The following CFAP54 variants were observed in gnomAD, a reference collection of about 807,000 sequenced individuals.
The protein encoded by CFAP54 is cilia- and flagella-associated protein 54.
Under a neutral mutation model 370.4 loss-of-function variants are expected in CFAP54, and 290 were observed. The observed-to-expected ratio is 0.78, with a 90% confidence interval of 0.71 to 0.86. The LOEUF (loss-of-function observed/expected upper bound fraction) is 0.86, where lower values mean the gene tolerates loss of function less well. Among genes scored for constraint, CFAP54 ranks in the 40% least tolerant of loss-of-function variants. CFAP54 has a pLI of 0.00. For synonymous variants in CFAP54, 1,206 were observed against 1,236.5 expected (o/e 0.98, Z 0.52); for missense variants, 3,399 against 3,528.7 (o/e 0.96, Z 0.93).
intron 2 of CFAP54, among the ~76,000 whole-genome samples, chr12:96,502,597 T>C (rs749632162): frequency 2.6e-5 from 4 of 152,080 alleles, no homozygotes; most frequent in Non-Finnish European, 5.9e-5. Context: ...AAATCTTTAA[T>C]AGAAATTTAA....
At chr12:96,790,901 G>A (rs1435213226) in intron 62 of CFAP54, among the ~76,000 whole-genome samples, 1 of 152,080 alleles carries the variant, frequency 6.6e-6, no homozygotes, top group Non-Finnish European at 1.5e-5. Flanking sequence ...CAACTTGAAA[G>A]GTCAGTGTTT....
chr12:96,739,895 A>C lies in CFAP54; in HGVS notation c.6966-61A>C, dbSNP rs1958030310. 4 of 1,031,946 alleles carry C rather than the reference A, an allele frequency of 3.9e-6. No individual in the cohort carries two copies. The Admixed American group carries it at 9.4e-5, about 24-fold the overall frequency. 63.9% of individuals were successfully genotyped at this position (1,031,946 alleles called of 1,614,324 possible). A position where few individuals can be genotyped will look rare whatever the true frequency, so the allele number is the denominator to read the frequency against. On this transcript the variant is annotated intron_variant, in intron 50 of 67. Transcript: ENST00000524981. Reference sequence around the variant, plus strand: ...TTTTTTGGAGAAAGTGATTTAGGAAATAACATACAGATGCCACAAATATAA... The same window carrying C: ...TTTTTTGGAGAAAGTGATTTAGGAACTAACATACAGATGCCACAAATATAA...
intron 66 of CFAP54, among the ~76,000 whole-genome samples, chr12:96,830,199 A>G (rs1391420025): frequency 6.6e-6 from 1 of 152,180 alleles, no homozygotes; most frequent in Non-Finnish European, 1.5e-5. Flanking sequence ...ACAAATCTGA[A>G]GCCTTGATTT....
At chr12:96,533,481 C>T (rs1592836209) in intron 9 of CFAP54, among the ~76,000 whole-genome samples, 1 of 152,174 alleles carries the variant, frequency 6.6e-6, no homozygotes, top group Admixed American at 6.5e-5. Flanking sequence ...CATTTTAGAT[C>T]TCTTTCCCAA....
chr12:96,769,728 G>A (rs2136676918), intron 60 of CFAP54, among the ~76,000 whole-genome samples: 1 of 152,294 alleles, frequency 6.6e-6, no homozygotes. Flanking sequence ...ACATGGCTGT[G>A]ATAACAAATA....
intron 32 of CFAP54, among the ~76,000 whole-genome samples, chr12:96,633,543 C>A (rs768016920): frequency 1.3e-5 from 2 of 152,262 alleles, no homozygotes; most frequent in Admixed American, 6.5e-5. Context: ...AGTATGTAAC[C>A]TTTTGAGGCT....
chr12:96,584,826 C>T (rs935299569), intron 22 of CFAP54, among the ~76,000 whole-genome samples: 8 of 152,120 alleles, frequency 5.3e-5, no homozygotes, highest in Admixed American at 2.0e-4. Context: ...TCACCCTGTG[C>T]GTCTGCTTTC....
At chr12:96,692,677 C>A (rs1957400212) in intron 44 of CFAP54, among the ~76,000 whole-genome samples, 1 of 152,180 alleles carries the variant, frequency 6.6e-6, no homozygotes, top group Admixed American at 6.5e-5. Flanking sequence ...CTATTAGCAG[C>A]TGCCAGTTGA....
chr12:96,545,832 A>T (rs1283793113), intron 14 of CFAP54, among the ~76,000 whole-genome samples: 1 of 152,224 alleles, frequency 6.6e-6, no homozygotes, highest in Non-Finnish European at 1.5e-5. Context: ...GTCCATGAGG[A>T]CATGGTACAG....
At chr12:96,762,959 T>C (rs1958355817) in intron 58 of CFAP54, among the ~76,000 whole-genome samples, 1 of 152,114 alleles carries the variant, frequency 6.6e-6, no homozygotes. Flanking sequence ...GGGAGTCTTC[T>C]AGCCAGAAGT....
intron 63 of CFAP54, among the ~76,000 whole-genome samples, chr12:96,796,431 C>G (rs909021561): frequency 6.6e-6 from 1 of 152,068 alleles, no homozygotes; most frequent in Non-Finnish European, 1.5e-5. Context: ...TTTGGAGTAC[C>G]TTTTTTTATT....
chr12:96,502,347 A>G (rs1300113770), intron 2 of CFAP54, among the ~76,000 whole-genome samples: 2 of 142,238 alleles, frequency 1.4e-5, no homozygotes, highest in Non-Finnish European at 3.0e-5. Context: ...TGCTTGCTTG[A>G]GCCCAGGAGT....
At chr12:96,520,569 C>T (rs994312373) in intron 6 of CFAP54, among the ~76,000 whole-genome samples, 1 of 146,518 alleles carries the variant, frequency 6.8e-6, no homozygotes, top group Non-Finnish European at 1.5e-5. Context: ...CTTCTATTGG[C>T]CTGTAGAGTG....
At chr12:96,741,106 C>A (rs1958046001) in intron 51 of CFAP54, among the ~76,000 whole-genome samples, 1 of 152,182 alleles carries the variant, frequency 6.6e-6, no homozygotes, top group Non-Finnish European at 1.5e-5. Flanking sequence ...TCTTTGAGTA[C>A]TTCTTGTGCC....
At chr12:96,739,330 CAG>C (rs146469374) in intron 50 of CFAP54, among the ~76,000 whole-genome samples, 12,096 of 152,078 alleles carry the variant, frequency 0.08, 918 homozygotes, top group East Asian at 0.44. Flanking sequence ...TACTATTCGA[CAG>C]GGGAGGAGAA....
At chr12:96,629,095 A>C (rs2136473867) in intron 30 of CFAP54, among the ~76,000 whole-genome samples, 1 of 152,212 alleles carries the variant, frequency 6.6e-6, no homozygotes, top group South Asian at 2.1e-4. Context: ...AATCTGTTGG[A>C]AGCAAGGAAG....
intron 22 of CFAP54, among the ~76,000 whole-genome samples, chr12:96,586,652 G>T (rs536145545): frequency 2.6e-5 from 4 of 152,254 alleles, no homozygotes; most frequent in African/African-American, 9.6e-5. Context: ...GGAGCAGAGG[G>T]ACCCATGGAG....
intron 67 of CFAP54, among the ~76,000 whole-genome samples, chr12:96,865,471 A>G (rs1194882103): frequency 6.6e-6 from 1 of 152,196 alleles, no homozygotes; most frequent in Non-Finnish European, 1.5e-5. Context: ...GTACATATAT[A>G]CTAAAAATAT....
intron 8 of CFAP54, among the ~76,000 whole-genome samples, chr12:96,525,227 A>T (rs1442914692): frequency 2.0e-5 from 3 of 151,636 alleles, no homozygotes; most frequent in Non-Finnish European, 4.4e-5. Flanking sequence ...CTTTGAGCCA[A>T]CTTTTCTTTC....
Sources: gnomAD v4.1 joint callset for allele counts (sites outside exome capture counted in the v4.1 genomes callset) on GRCh38, gnomAD v4.1.1 for gene constraint, MANE v1.5 for transcripts, NCBI Gene and HGNC (gene_info 2026-07-23, HGNC 2026-07-21) for gene names.